The following PLEKHG7 variants were observed in gnomAD, a reference collection of about 807,000 sequenced individuals.
PLEKHG7 encodes pleckstrin homology domain-containing family G member 7.
A neutral mutation model predicts 85.2 loss-of-function variants in PLEKHG7; 77 were observed. The observed-to-expected ratio is 0.90, with a 90% CI of 0.75 to 1.09. The LOEUF (loss-of-function observed/expected upper bound fraction) is 1.09. Among genes scored for constraint, PLEKHG7 ranks in the 50% least tolerant of loss-of-function variants. The pLI, the probability that PLEKHG7 is intolerant of heterozygous loss-of-function variation, is 0.00. For synonymous variants in PLEKHG7, 301 were observed against 302.4 expected (o/e 1.00, Z 0.05); for missense variants, 777 against 804.3 (o/e 0.97, Z 0.41).
chr12:92,739,200 C>G (rs1341154122), intron 7 of PLEKHG7, among the ~76,000 whole-genome samples: 1 of 152,218 alleles, frequency 6.6e-6, no homozygotes, highest in African/African-American at 2.4e-5. Context: ...TCTCAGCATT[C>G]ATAGCAGAAG....
chr12:92,752,510 T>C (rs1462445897), intron 10 of PLEKHG7, among the ~76,000 whole-genome samples: 3 of 152,080 alleles, frequency 2.0e-5, no homozygotes, highest in African/African-American at 4.8e-5. Flanking sequence ...GGGGTTGAGC[T>C]AATTGTACCT....
rs57864381 is a variant in PLEKHG7, at chr12:92,741,605, T to C, written c.1137+13T>C. 3.5e-3 allele frequency: 5,513 copies of C among 1,597,640 alleles called. 152 individuals carry two copies. The African/African-American group carries it at 0.059, about 17-fold the overall frequency. On this transcript the variant is annotated intron_variant, in intron 9 of 16. Coordinates refer to ENST00000344636, the MANE Select transcript of PLEKHG7 (RefSeq NM_001377329.1). ...CGTGCTCACAAAGGTAAACTCCTTCTGGGAGACCTCAGCTTCATGTAGTAA... is the reference window on the plus strand; with the variant it reads ...CGTGCTCACAAAGGTAAACTCCTTCCGGGAGACCTCAGCTTCATGTAGTAA...
At position 92,737,749 on chromosome 12, in the gene PLEKHG7, G is replaced by GAGGAAGGAAGGGAAGGAAGGAAGGA. The variant is rs71069178; in HGVS notation, c.939+239_939+240insGAAGGAAGGAAGGAAGGAAGGAAGG. ...GGAAGGAGGGAGGAAGGGAGGGAGGGAGGAAGGAAGGAAGGAAGGAAGGGA... is the reference window on the plus strand; with the variant it reads ...GGAAGGAGGGAGGAAGGGAGGGAGGGAGGAAGGAAGGGAAGGAAGGAAGGAAGGAAGGAAGGAAGGAAGGAAGGGA... On this transcript the variant is annotated intron_variant, in intron 7 of 16. Coordinates refer to ENST00000344636, the MANE Select transcript of PLEKHG7 (RefSeq NM_001377329.1). Among the ~76,000 whole-genome samples the GAGGAAGGAAGGGAAGGAAGGAAGGA allele has an allele frequency of 4.0e-3, 508 of 126,018 alleles. 21 individuals carry two copies. Among genetic ancestry groups the GAGGAAGGAAGGGAAGGAAGGAAGGA allele is most frequent in the South Asian group, 0.019 (67 of 3,550 alleles). The allele number at this position is 126,018 out of a possible 152,430, so 82.7% of individuals were successfully genotyped here.
intron 10 of PLEKHG7, among the ~76,000 whole-genome samples, chr12:92,749,928 TTA>T (rs1872640836): frequency 7.6e-6 from 1 of 131,442 alleles, no homozygotes; most frequent in Non-Finnish European, 1.6e-5. Context: ...TTTATTTTAT[TTA>T]TTTTATTTTA....
At chr12:92,751,834 T>C (rs1270645516) in intron 10 of PLEKHG7, among the ~76,000 whole-genome samples, 4 of 151,898 alleles carry the variant, frequency 2.6e-5, no homozygotes, top group Non-Finnish European at 4.4e-5. Context: ...CTGGGCAACA[T>C]AGTGATATCC....
intron 3 of PLEKHG7, chr12:92,708,331 G>T (rs1871299265): frequency 6.6e-6 from 1 of 152,418 alleles, no homozygotes; most frequent in South Asian, 2.1e-4. Context: ...TGGAGAAATA[G>T]CTGCTGTTTT....
intron 9 of PLEKHG7, 23 bp downstream of exon 9, chr12:92,741,615 CA>C (rs772924637): frequency 1.9e-6 from 3 of 1,571,584 alleles, no homozygotes; most frequent in Non-Finnish European, 2.6e-6. Flanking sequence ...TGGGAGACCT[CA>C]GCTTCATGTA....
chr12:92,738,286 G>A (rs958929914), intron 7 of PLEKHG7, among the ~76,000 whole-genome samples: 1 of 152,198 alleles, frequency 6.6e-6, no homozygotes, highest in Admixed American at 6.5e-5. Flanking sequence ...GAACCATAGA[G>A]CAGCTTCCTC....
intron 4 of PLEKHG7, among the ~76,000 whole-genome samples, chr12:92,730,311 G>A: frequency 6.6e-6 from 1 of 152,182 alleles, no homozygotes; most frequent in East Asian, 1.9e-4. Context: ...CCTTAACAGA[G>A]GTTACTACAT....
rs1873319537 is a variant in PLEKHG7, at chr12:92,769,185, C to G, written c.1968+105C>G. The G allele has an allele frequency of 4.7e-6, 4 of 856,738 alleles. No individual in the cohort carries two copies. In the African/African-American group the frequency reaches 6.9e-5, roughly 15 times the overall value. 53.1% of individuals were successfully genotyped at this position (856,738 alleles called of 1,614,324 possible). On this transcript the variant is annotated intron_variant, in intron 16 of 16. Coordinates refer to ENST00000344636, the MANE Select transcript of PLEKHG7 (RefSeq NM_001377329.1). ...TGGAAAGTTTTGTGTTTTTCTCTCA[C>G]CCACTTGGGAAGGGCAGATTTGGGA...
In PLEKHG7 at chr12:92,761,772, GT is replaced by G; in HGVS notation, c.1660del (p.Tyr554IlefsTer10). On this transcript the variant is annotated frameshift_variant, in exon 14 of 17. Transcript: ENST00000344636. LOFTEE classifies it high-confidence loss of function. ...TLAESTRFLD[V>X]YLFLFNDFLL... ...CTCAGAAAGCACGAGATTCCTAGATGTTTATCTGTTTCTCTTCAATGATTTC... is the reference window on the plus strand; with the variant it reads ...CTCAGAAAGCACGAGATTCCTAGATGTTATCTGTTTCTCTTCAATGATTTC... 1 of 1,576,762 alleles carries G rather than the reference GT, an allele frequency of 6.3e-7. No homozygotes were observed.
At chr12:92,741,293 GA>G (rs1414368996) in intron 8 of PLEKHG7, among the ~76,000 whole-genome samples, 197 bp from the exon 9 acceptor site, 1 of 152,106 alleles carries the variant, frequency 6.6e-6, no homozygotes, top group South Asian at 2.1e-4. Context: ...AAGGAAGAGA[GA>G]TAACAAGAAT....
At chr12:92,756,444 G>T in intron 13 of PLEKHG7, 53 bp downstream of exon 13, 1 of 1,359,474 alleles carries the variant, frequency 7.4e-7, no homozygotes. Flanking sequence ...CTTGTAACTT[G>T]TTTGACTGCC....
At position 92,771,375 on chromosome 12, in the gene PLEKHG7, T is replaced by C. The variant is rs1202937182; in HGVS notation, c.*1180T>C. 1.3e-5 allele frequency: 2 copies of C among 152,028 alleles called. No individual in the cohort carries two copies. Among genetic ancestry groups the C allele is most frequent in the Non-Finnish European group, 2.9e-5 (2 of 67,944 alleles). 9.4% of individuals were successfully genotyped at this position (152,028 alleles called of 1,614,324 possible). A position where few individuals can be genotyped will look rare whatever the true frequency, so the allele number is the denominator to read the frequency against. On this transcript the variant is annotated 3_prime_UTR_variant, in exon 17 of 17. Transcript: ENST00000344636. ...CCTTGAGGAAGGTGAAATTTCACTA[T>C]GCAAACAAAGCAGTAAAGACAAGTG...
chr12:92,768,538 C>T (rs1052606014), intron 15 of PLEKHG7, among the ~76,000 whole-genome samples: 1 of 152,006 alleles, frequency 6.6e-6, no homozygotes, highest in African/African-American at 2.4e-5. Context: ...GTTTATAAAC[C>T]TTGGTTGGAT....
At chr12:92,762,006 A>G (rs780262320) in intron 14 of PLEKHG7, among the ~76,000 whole-genome samples, 175 bp downstream of exon 14, 4 of 150,116 alleles carry the variant, frequency 2.7e-5, no homozygotes, top group Non-Finnish European at 5.9e-5. Context: ...TCTGAAGTAA[A>G]TAAATAAATA....
intron 13 of PLEKHG7, among the ~76,000 whole-genome samples, chr12:92,757,082 T>C (rs1872855976): frequency 6.6e-6 from 1 of 152,218 alleles, no homozygotes; most frequent in Non-Finnish European, 1.5e-5. Context: ...ACTTAGTTTC[T>C]AGCAGAGTAC....
intron 11 of PLEKHG7, among the ~76,000 whole-genome samples, 155 bp from the exon 12 acceptor site, chr12:92,755,670 G>T (rs934105930): frequency 6.6e-6 from 1 of 152,122 alleles, no homozygotes; most frequent in Non-Finnish European, 1.5e-5. Flanking sequence ...TTTCTAAGAC[G>T]CATGAACAGC....
At chr12:92,755,600 T>C (rs1244381638) in intron 11 of PLEKHG7, among the ~76,000 whole-genome samples, 1 of 152,240 alleles carries the variant, frequency 6.6e-6, no homozygotes, top group Non-Finnish European at 1.5e-5. Flanking sequence ...TTCAAACTAC[T>C]GAATTAAATT....
Sources: gnomAD v4.1 joint callset for allele counts (sites outside exome capture counted in the v4.1 genomes callset) on GRCh38, gnomAD v4.1.1 for gene constraint, MANE v1.5 for transcripts, NCBI Gene and HGNC (gene_info 2026-07-23, HGNC 2026-07-21) for gene names.